Variants in KLHL2 observed in about 807,000 individuals in gnomAD.
The protein encoded by KLHL2 is kelch-like protein 2.
KLHL2 carries 15 observed loss-of-function variants against 75.8 expected under a neutral mutation model. The ratio of observed to expected loss-of-function variants is 0.20; its 90% confidence interval spans 0.13 to 0.30. The LOEUF (loss-of-function observed/expected upper bound fraction) is 0.30. Ranked by LOEUF, KLHL2 falls within the 10% of genes least tolerant of loss-of-function variation. KLHL2 has a pLI of 1.00. For missense variants in KLHL2, 381 were observed against 741.0 expected, an observed-to-expected ratio of 0.51 and a Z score of 5.64; for synonymous variants, 214 against 251.9, an observed-to-expected ratio of 0.85 and a Z score of 1.42.
intron 3 of KLHL2, among the ~76,000 whole-genome samples, chr4:165,230,032 G>A (rs1738756422): frequency 1.3e-5 from 2 of 152,238 alleles, no homozygotes; most frequent in South Asian, 2.1e-4. Context: ...AGTTTGGGAG[G>A]GTTGCCTTTC....
intron 1 of KLHL2, among the ~76,000 whole-genome samples, chr4:165,218,030 G>C (rs28535933): frequency 6.6e-6 from 1 of 152,052 alleles, no homozygotes; most frequent in Non-Finnish European, 1.5e-5. Flanking sequence ...AACAGATCTC[G>C]TTGGCTGTAT....
chr4:165,245,122 C>T (rs1225694923), intron 4 of KLHL2, among the ~76,000 whole-genome samples: 9 of 152,116 alleles, frequency 5.9e-5, no homozygotes, highest in Non-Finnish European at 8.8e-5. Context: ...GCAGGAGAAT[C>T]GCTTGAACCC....
intron 5 of KLHL2, 89 bp from the exon 6 acceptor site, chr4:165,294,270 T>C (rs564381027): frequency 9.5e-6 from 7 of 738,806 alleles, no homozygotes; most frequent in Admixed American, 5.0e-5. Flanking sequence ...TTAAGTTAGA[T>C]TAAATTAAGA....
intron 5 of KLHL2, among the ~76,000 whole-genome samples, chr4:165,289,470 TTTC>T (rs760783823): frequency 2.6e-4 from 39 of 151,740 alleles, no homozygotes; most frequent in Non-Finnish European, 3.7e-4. Flanking sequence ...AATTTGAACA[TTTC>T]TTCTTCACTT....
intron 5 of KLHL2, among the ~76,000 whole-genome samples, chr4:165,285,327 G>A (rs1744008073): frequency 6.6e-6 from 1 of 152,166 alleles, no homozygotes; most frequent in Non-Finnish European, 1.5e-5. Flanking sequence ...AAAAGAGTGG[G>A]ATGATGAGGG....
intron 2 of KLHL2, among the ~76,000 whole-genome samples, chr4:165,228,391 G>T (rs1319357741): frequency 6.6e-6 from 1 of 150,872 alleles, no homozygotes; most frequent in East Asian, 1.9e-4. Flanking sequence ...TTTTTGAGAG[G>T]GGATGGGTAT....
intron 4 of KLHL2, among the ~76,000 whole-genome samples, chr4:165,241,621 T>C (rs567709407): frequency 3.5e-4 from 54 of 152,344 alleles, no homozygotes; most frequent in Non-Finnish European, 6.8e-4. Context: ...TAGTAAAGTA[T>C]AATATTGGGC....
chr4:165,311,176 T>G (rs1266784044), intron 10 of KLHL2, among the ~76,000 whole-genome samples: 2 of 152,174 alleles, frequency 1.3e-5, no homozygotes, highest in African/African-American at 4.8e-5. Context: ...AGTTTAAAAT[T>G]TTATCAAGAA....
chr4:165,282,793 A>G (rs1482066850), intron 5 of KLHL2, among the ~76,000 whole-genome samples: 3 of 148,706 alleles, frequency 2.0e-5, no homozygotes, highest in Admixed American at 2.0e-4. Flanking sequence ...TTTTAGAGCA[A>G]CGTACAGAAG....
intron 13 of KLHL2, among the ~76,000 whole-genome samples, chr4:165,315,412 T>A (rs936105648): frequency 2.6e-5 from 4 of 152,230 alleles, no homozygotes; most frequent in African/African-American, 9.6e-5. Flanking sequence ...CGTAAGTCTC[T>A]GTTGAAAAGT....
At chr4:165,246,482 TG>T (rs1740272683) in intron 4 of KLHL2, among the ~76,000 whole-genome samples, 1 of 151,894 alleles carries the variant, frequency 6.6e-6, no homozygotes, top group South Asian at 2.1e-4. Flanking sequence ...AGATACCTGT[TG>T]GGGTAGGCTA....
At position 165,207,759 on chromosome 4, in the gene KLHL2, GC is replaced by G; in HGVS notation, c.-113del. 2 of 808,658 alleles carry G rather than the reference GC, an allele frequency of 2.5e-6. No homozygotes were observed. The highest frequency in any genetic ancestry group is 2.2e-5 in the South Asian group (1 of 45,666). The allele number at this position is 808,658 out of a possible 1,614,324, so 50.1% of individuals were successfully genotyped here. On this transcript the variant is annotated 5_prime_UTR_variant, in exon 1 of 15. Transcript: ENST00000226725. This position sits in a 1 kb window ranked among gnomAD's most constrained non-coding sequence, Gnocchi z 4.2. ...TGGCGCGCGGTGAGGAGAGCGCGGC[GC>G]CCCCTCCGGGGCGGATGGAACGCGG...
chr4:165,264,605 T>TATATATATAC (rs757273597), intron 5 of KLHL2, among the ~76,000 whole-genome samples: 1,571 of 124,040 alleles, frequency 0.013, 29 homozygotes, highest in African/African-American at 0.045. Context: ...TATATATATA[T>TATATATATAC]ACACACACAC....
chr4:165,238,837 C>T lies in KLHL2; in HGVS notation c.319C>T (p.Leu107=), dbSNP rs1560996580. The change falls in exon 4 of 15, where the codon CTG becomes TTG. Residue 107 remains leucine, a synonymous_variant. Coordinates refer to ENST00000226725, the MANE Select transcript of KLHL2 (RefSeq NM_007246.4). The part of the protein sequence containing the change: ...VRIKEVDGWT[L]RMLIDYVYTA... ...AATAAAAGAGGTAGATGGCTGGACC[C>T]TGAGGATGCTAATTGATTATGTTTA... 3.7e-6 allele frequency: 6 copies of T among 1,614,022 alleles called. No homozygotes were observed. Among genetic ancestry groups the T allele is most frequent in the Non-Finnish European group, 5.1e-6 (6 of 1,179,994 alleles).
At chr4:165,297,192 C>T (rs539011863) in intron 6 of KLHL2, among the ~76,000 whole-genome samples, 4 of 151,882 alleles carry the variant, frequency 2.6e-5, no homozygotes, top group Admixed American at 1.3e-4. Flanking sequence ...AAATAATGCC[C>T]TTATTTTTTA....
At chr4:165,279,929 T>G (rs1049553486) in intron 5 of KLHL2, among the ~76,000 whole-genome samples, 7 of 152,218 alleles carry the variant, frequency 4.6e-5, no homozygotes, top group African/African-American at 1.4e-4. Flanking sequence ...TTGGCTCACG[T>G]GAGACTCCTT....
At chr4:165,235,970 A>T (rs1252027613) in intron 3 of KLHL2, among the ~76,000 whole-genome samples, 1 of 152,032 alleles carries the variant, frequency 6.6e-6, no homozygotes, top group African/African-American at 2.4e-5. Flanking sequence ...GTGTGCTTGG[A>T]CTGGGAGAAA....
intron 4 of KLHL2, among the ~76,000 whole-genome samples, chr4:165,242,687 G>A (rs1739912428): frequency 6.6e-6 from 1 of 152,002 alleles, no homozygotes; most frequent in Non-Finnish European, 1.5e-5. Flanking sequence ...AGTAGAGATG[G>A]GGTTTCACCA....
intron 4 of KLHL2, among the ~76,000 whole-genome samples, chr4:165,259,402 C>A (rs1284423315): frequency 4.6e-5 from 7 of 152,238 alleles, no homozygotes; most frequent in African/African-American, 1.7e-4. Flanking sequence ...AGCCACCAAG[C>A]CTGCCCTGAA....
Sources: allele counts gnomAD v4.1 joint callset (sites outside exome capture counted in the v4.1 genomes callset), GRCh38; gene constraint gnomAD v4.1.1; non-coding constraint Gnocchi (gnomAD v3.1); transcripts MANE v1.5; gene names NCBI Gene and HGNC (gene_info 2026-07-23, HGNC 2026-07-21).